The following LRRC4C variants were observed in gnomAD, a reference collection of about 807,000 sequenced individuals.
The protein encoded by LRRC4C is leucine-rich repeat-containing protein 4C.
Under a neutral mutation model 33.6 loss-of-function variants are expected in LRRC4C, and 5 were observed. That is an observed-to-expected ratio of 0.15 (90% CI 0.08 to 0.31). The LOEUF (loss-of-function observed/expected upper bound fraction) is 0.31. LRRC4C is among the 10% of genes least tolerant of loss of function. LRRC4C has a pLI of 1.00. For missense variants in LRRC4C, 560 were observed against 796.7 expected, an observed-to-expected ratio of 0.70 and a Z score of 3.58; for synonymous variants, 329 against 302.0, an observed-to-expected ratio of 1.09 and a Z score of -0.93.
At chr11:40,920,531 C>T (rs541270788) in intron 2 of LRRC4C, among the ~76,000 whole-genome samples, 2 of 152,200 alleles carry the variant, frequency 1.3e-5, no homozygotes, top group South Asian at 4.1e-4. Context: ...AAATATAAGA[C>T]ATTTTCTATA....
chr11:40,406,297 T>C (rs953046930), intron 3 of LRRC4C, among the ~76,000 whole-genome samples: 6 of 152,174 alleles, frequency 3.9e-5, no homozygotes, highest in African/African-American at 1.4e-4. Flanking sequence ...TAAAGACTTC[T>C]GTGCTGTCCT....
intron 1 of LRRC4C, among the ~76,000 whole-genome samples, chr11:41,100,891 A>G (rs570109968): frequency 6.6e-6 from 1 of 152,302 alleles, no homozygotes; most frequent in African/African-American, 2.4e-5. Flanking sequence ...AAAGTTACAC[A>G]CCTACAACCA....
chr11:40,335,735 G>A (rs761807687), intron 3 of LRRC4C, among the ~76,000 whole-genome samples: 5 of 152,104 alleles, frequency 3.3e-5, no homozygotes, highest in South Asian at 2.1e-4. Flanking sequence ...GAATGGATTC[G>A]TCTAACTTTT....
chr11:41,224,336 TA>T (rs1947435215), intron 1 of LRRC4C, among the ~76,000 whole-genome samples: 5 of 152,278 alleles, frequency 3.3e-5, no homozygotes, highest in Admixed American at 6.5e-5. Context: ...AATGCATCTA[TA>T]CCATTCACTC....
chr11:41,322,940 T>G (rs1403351361), intron 1 of LRRC4C, among the ~76,000 whole-genome samples: 1 of 152,122 alleles, frequency 6.6e-6, no homozygotes, highest in Non-Finnish European at 1.5e-5. Context: ...TTTATTCAAA[T>G]GCATTAACCA....
intron 2 of LRRC4C, among the ~76,000 whole-genome samples, chr11:40,750,808 G>GAAAAAAAAAA (rs57426456): frequency 7.3e-6 from 1 of 136,158 alleles, no homozygotes; most frequent in African/African-American, 2.7e-5. Context: ...ATAATAAAAA[G>GAAAAAAAAAA]AAAAAAAAAA....
intron 1 of LRRC4C, among the ~76,000 whole-genome samples, chr11:41,352,302 T>C (rs1952009843): frequency 6.6e-6 from 1 of 152,172 alleles, no homozygotes; most frequent in Non-Finnish European, 1.5e-5. Context: ...AGGGTTCAAT[T>C]CAACAAGAAG....
At chr11:41,452,070 T>C (rs1292144039) in intron 1 of LRRC4C, among the ~76,000 whole-genome samples, 3 of 152,168 alleles carry the variant, frequency 2.0e-5, no homozygotes, top group African/African-American at 4.8e-5. Context: ...TTTTTTACTA[T>C]GTTATTCAAA....
intron 2 of LRRC4C, among the ~76,000 whole-genome samples, chr11:40,696,750 A>ATGTATATATATATATCCGAG (rs577065023): frequency 1.5e-5 from 1 of 66,978 alleles, no homozygotes; most frequent in Non-Finnish European, 3.4e-5. Context: ...TACACTGTGT[A>ATGTATATATATATATCCGAG]TATATATATA....
chr11:41,149,227 C>A (rs910903039), intron 1 of LRRC4C, among the ~76,000 whole-genome samples: 4 of 151,998 alleles, frequency 2.6e-5, no homozygotes, highest in African/African-American at 9.7e-5. Context: ...GGGCTGAGGC[C>A]GGGTGCGGTG....
chr11:40,365,476 T>A (rs1488145056), intron 3 of LRRC4C, among the ~76,000 whole-genome samples: 1 of 152,050 alleles, frequency 6.6e-6, no homozygotes, highest in Non-Finnish European at 1.5e-5. Flanking sequence ...GCCGGTTTTT[T>A]TACCCTGTGA....
At chr11:40,593,153 A>C (rs983723669) in intron 3 of LRRC4C, among the ~76,000 whole-genome samples, 1 of 152,180 alleles carries the variant, frequency 6.6e-6, no homozygotes, top group East Asian at 1.9e-4. Context: ...CCACAGAGAG[A>C]GATGCTATGT....
intron 5 of LRRC4C, among the ~76,000 whole-genome samples, chr11:40,177,448 A>G (rs1303174840): frequency 6.6e-6 from 1 of 151,910 alleles, no homozygotes; most frequent in African/African-American, 2.4e-5. Context: ...TACCTTCTTT[A>G]TCTTTAGCTC....
chr11:40,791,912 T>C (rs1357175683), intron 2 of LRRC4C, among the ~76,000 whole-genome samples: 2 of 152,174 alleles, frequency 1.3e-5, no homozygotes, highest in African/African-American at 2.4e-5. Flanking sequence ...CCCATGAGTT[T>C]TGTTTTATCT....
intron 3 of LRRC4C, among the ~76,000 whole-genome samples, chr11:40,632,085 A>G (rs537124690): frequency 1.3e-5 from 2 of 152,186 alleles, no homozygotes; most frequent in Non-Finnish European, 2.9e-5. Context: ...TACCAGATCT[A>G]TACTTCAGAA....
At chr11:41,349,560 T>G (rs1011928236) in intron 1 of LRRC4C, among the ~76,000 whole-genome samples, 2 of 152,216 alleles carry the variant, frequency 1.3e-5, no homozygotes, top group Non-Finnish European at 2.9e-5. Flanking sequence ...GAGCTGAGCC[T>G]TGGTTCCCTG....
intron 1 of LRRC4C, among the ~76,000 whole-genome samples, chr11:41,279,037 T>C (rs1476342572): frequency 6.6e-6 from 1 of 152,148 alleles, no homozygotes; most frequent in Non-Finnish European, 1.5e-5. Context: ...TATGTTCATA[T>C]GTATAAGTGA....
chr11:41,303,928 C>T (rs1279170360), intron 1 of LRRC4C, among the ~76,000 whole-genome samples: 21 of 91,078 alleles, frequency 2.3e-4, no homozygotes, highest in African/African-American at 6.9e-4. Context: ...CCTCTCCGCC[C>T]GGCAGCCACC....
At chr11:40,335,721 A>G (rs1946567113) in intron 3 of LRRC4C, among the ~76,000 whole-genome samples, 1 of 152,232 alleles carries the variant, frequency 6.6e-6, no homozygotes, top group South Asian at 2.1e-4. Flanking sequence ...GCCTATCTCG[A>G]AGAGAATGGA....
Sources: gnomAD v4.1 joint callset for allele counts (sites outside exome capture counted in the v4.1 genomes callset) on GRCh38, gnomAD v4.1.1 for gene constraint, MANE v1.5 for transcripts, NCBI Gene and HGNC (gene_info 2026-07-23, HGNC 2026-07-21) for gene names.